DRC1: variants seen among roughly 807,000 people sequenced by gnomAD.
DRC1 encodes dynein regulatory complex protein 1.
A neutral mutation model predicts 98.7 loss-of-function variants in DRC1; 74 were observed. The observed-to-expected ratio is 0.75, with a 90% CI of 0.62 to 0.91. The LOEUF is 0.91. DRC1 is among the 40% of genes least tolerant of loss of function. DRC1 has a pLI of 0.00. For missense variants in DRC1, 875 were observed against 886.0 expected, an observed-to-expected ratio of 0.99 and a Z score of 0.16; for synonymous variants, 336 against 334.1, an observed-to-expected ratio of 1.01 and a Z score of -0.06.
At position 26,444,799 on chromosome 2, in the gene DRC1, C is replaced by G. The variant is rs202052258; in HGVS notation, c.1247C>G (p.Ala416Gly). The G allele has an allele frequency of 6.8e-5, 109 of 1,614,148 alleles. 1 individual carries two copies. In the African/African-American group the frequency reaches 7.9e-4, roughly 12 times the overall value. ...EEEAKDLIAR[A>G]FDVDRIIHTH... is the part of the protein sequence containing the mutation. Reference sequence around the variant, plus strand: ...GAGGCGAAGGACCTAATAGCCAGAGCCTTTGATGTGGACAGGATCATCCAC... The same window carrying G: ...GAGGCGAAGGACCTAATAGCCAGAGGCTTTGATGTGGACAGGATCATCCAC... Residue 416 changes from alanine (A) to glycine (G), a missense_variant, in exon 10 of 17, where the codon GCC (alanine) becomes GGC (glycine). Ala to Gly is a moderately conservative substitution (Grantham distance 60, BLOSUM62 0). Coordinates refer to ENST00000288710, the MANE Select transcript of DRC1 (RefSeq NM_145038.5).
At chr2:26,420,685 GC>G (rs1328348681) in intron 2 of DRC1, among the ~76,000 whole-genome samples, 1 of 151,962 alleles carries the variant, frequency 6.6e-6, no homozygotes, top group African/African-American at 2.4e-5. Context: ...AAACGCAGTG[GC>G]TTTTCTCCAG....
chr2:26,446,949 C>T (rs918160072), intron 10 of DRC1, among the ~76,000 whole-genome samples: 6 of 151,698 alleles, frequency 4.0e-5, no homozygotes, highest in Non-Finnish European at 5.9e-5. Flanking sequence ...AAAAATTAGC[C>T]GGTCATGGCG....
At chr2:26,421,694 G>A (rs1663148172) in intron 3 of DRC1, among the ~76,000 whole-genome samples, 1 of 151,722 alleles carries the variant, frequency 6.6e-6, no homozygotes, top group South Asian at 2.1e-4. Flanking sequence ...CTGAGTAGCT[G>A]GGATTACAGG....
intron 1 of DRC1, among the ~76,000 whole-genome samples, chr2:26,408,925 T>C (rs1238459672): frequency 6.6e-6 from 1 of 152,042 alleles, no homozygotes; most frequent in African/African-American, 2.4e-5. Flanking sequence ...AAATTTATTT[T>C]TATTATTTAT....
At chr2:26,446,788 G>A (rs75153769) in intron 10 of DRC1, among the ~76,000 whole-genome samples, 11,602 of 152,148 alleles carry the variant, frequency 0.076, 884 homozygotes, top group African/African-American at 0.2. Flanking sequence ...CAGACAGATT[G>A]CTATATTTTA....
intron 7 of DRC1, among the ~76,000 whole-genome samples, chr2:26,433,010 A>G (rs1043823593): frequency 2.6e-5 from 4 of 152,226 alleles, no homozygotes; most frequent in African/African-American, 9.7e-5. Flanking sequence ...ATAAGCTTCT[A>G]AGAGCTAGAA....
At chr2:26,455,270 G>C in intron 16 of DRC1, 37 bp downstream of exon 16, 1 of 1,594,696 alleles carries the variant, frequency 6.3e-7, no homozygotes, top group African/African-American at 1.3e-5. Flanking sequence ...GGCAGCGGGA[G>C]ACACGGGTGG....
In DRC1 at chr2:26,429,703, C is replaced by A; in HGVS notation, c.616C>A (p.Arg206=). 1 of 1,614,024 alleles carries A rather than the reference C, an allele frequency of 6.2e-7. No homozygotes were observed. Among genetic ancestry groups the A allele is most frequent in the Non-Finnish European group, 8.5e-7 (1 of 1,179,992 alleles). ...QSDDICLLLE[R]MEEQVKNVMK... ...AGATGACATCTGCCTGCTTCTGGAG[C>A]GGATGGAAGAACAGGTGAAGAATGT... The change falls in exon 5 of 17, where the codon CGG becomes AGG. Residue 206 remains arginine, a synonymous_variant. Transcript: ENST00000288710.
At chr2:26,434,033 A>G (rs1460906915) in intron 7 of DRC1, among the ~76,000 whole-genome samples, 1 of 152,254 alleles carries the variant, frequency 6.6e-6, no homozygotes, top group Non-Finnish European at 1.5e-5. Flanking sequence ...TTCACTAGAC[A>G]TTCAAGCCAA....
chr2:26,444,833 T>C lies in DRC1; in HGVS notation c.1281T>C (p.His427=), dbSNP rs528460521. The stretch of plus-strand genomic sequence containing the variant: ...TGGACAGGATCATCCACACCCATCA[T>C]CTGGGGCTTCCCTGGGCAGCACCTG... ...FDVDRIIHTH[H]LGLPWAAPDF... Residue 427 remains histidine (H), a synonymous_variant, in exon 10 of 17, where the codon CAT becomes CAC. Transcript: ENST00000288710. The C allele has an allele frequency of 4.4e-5, 71 of 1,614,224 alleles. No homozygotes were observed. The South Asian group carries it at 7.2e-4, about 16-fold the overall frequency.
chr2:26,406,340 A>G (rs566235820), intron 1 of DRC1, among the ~76,000 whole-genome samples: 1 of 152,106 alleles, frequency 6.6e-6, no homozygotes, highest in African/African-American at 2.4e-5. Context: ...TGTGATACCC[A>G]CTGCTGTTGC....
intron 10 of DRC1, among the ~76,000 whole-genome samples, chr2:26,446,271 A>T (rs953250276): frequency 1.3e-5 from 2 of 151,326 alleles, no homozygotes; most frequent in Admixed American, 1.3e-4. Flanking sequence ...TAATTTTTGT[A>T]TTTTTTTGTA....
At chr2:26,440,940 C>G (rs1433195522) in intron 8 of DRC1, among the ~76,000 whole-genome samples, 1 of 152,222 alleles carries the variant, frequency 6.6e-6, no homozygotes, top group Non-Finnish European at 1.5e-5. Context: ...CATAGATGCA[C>G]TATGATTTAT....
At chr2:26,437,947 G>A (rs1663614893) in intron 7 of DRC1, among the ~76,000 whole-genome samples, 1 of 151,526 alleles carries the variant, frequency 6.6e-6, no homozygotes, top group Non-Finnish European at 1.5e-5. Context: ...AAATTAGCTG[G>A]GCGTGGCGGT....
At chr2:26,406,981 G>A (rs993941524) in intron 1 of DRC1, among the ~76,000 whole-genome samples, 6 of 151,598 alleles carry the variant, frequency 4.0e-5, no homozygotes, top group African/African-American at 1.2e-4. Context: ...ACCATACCCC[G>A]CTAATTTTTT....
chr2:26,403,075 C>T (rs1183328439), intron 1 of DRC1, among the ~76,000 whole-genome samples: 2 of 152,288 alleles, frequency 1.3e-5, no homozygotes, highest in Middle Eastern at 3.4e-3. Context: ...ATTTCATATA[C>T]TGTTCATGTA....
intron 10 of DRC1, among the ~76,000 whole-genome samples, chr2:26,447,079 G>C (rs1033744056): frequency 6.7e-6 from 1 of 150,204 alleles, no homozygotes; most frequent in Non-Finnish European, 1.5e-5. Context: ...AACAGAGTGA[G>C]CCTCTTTCTC....
chr2:26,413,865 A>G (rs1282086453), intron 1 of DRC1, among the ~76,000 whole-genome samples: 1 of 152,022 alleles, frequency 6.6e-6, no homozygotes, highest in African/African-American at 2.4e-5. Context: ...CTAAGATTAT[A>G]TAGATATTCT....
chr2:26,455,605 G>A (rs1265361400), intron 16 of DRC1, among the ~76,000 whole-genome samples: 1 of 152,232 alleles, frequency 6.6e-6, no homozygotes, highest in Non-Finnish European at 1.5e-5. Flanking sequence ...GGACAGGGCG[G>A]AAACAATGCT....
Sources: gnomAD v4.1 joint callset for allele counts (sites outside exome capture counted in the v4.1 genomes callset) on GRCh38, gnomAD v4.1.1 for gene constraint, MANE v1.5 for transcripts, NCBI Gene and HGNC (gene_info 2026-07-23, HGNC 2026-07-21) for gene names.